SRD5A3: variants seen among roughly 807,000 people sequenced by gnomAD.
SRD5A3 encodes the protein steroid 5 alpha-reductase 3.
In SRD5A3, 24 loss-of-function variants were observed where a neutral mutation model predicts 34.3. The ratio of observed to expected loss-of-function variants is 0.70; its 90% CI spans 0.51 to 0.99. SRD5A3 has a LOEUF of 0.99. Among genes scored for constraint, SRD5A3 ranks in the 50% least tolerant of loss-of-function variants. The pLI is 0.00. For missense variants in SRD5A3, 350 were observed against 388.2 expected, an observed-to-expected ratio of 0.90 and a Z score of 0.83; for synonymous variants, 161 against 167.3, an observed-to-expected ratio of 0.96 and a Z score of 0.29.
chr4:55,352,058 T>C (rs937330822), intron 1 of SRD5A3: 17 of 771,448 alleles, frequency 2.2e-5, no homozygotes, highest in Middle Eastern at 2.7e-4. Context: ...AGCCACTCCA[T>C]ACTTCTGCTC....
At position 55,346,324 on chromosome 4, in the gene SRD5A3, G is replaced by C; in HGVS notation, c.-13G>C. 2 of 1,421,214 alleles carry C rather than the reference G, an allele frequency of 1.4e-6. No homozygotes were observed. Among genetic ancestry groups the C allele is most frequent in the Non-Finnish European group, 1.8e-6 (2 of 1,091,234 alleles). 88.0% of individuals were successfully genotyped at this position (1,421,214 alleles called of 1,614,324 possible). ...TGGGGGCGCCAGCAGCGCGGAAGGC[G>C]GGCACGCGGGCCATGGCTCCCTGGG... On this transcript the variant is annotated 5_prime_UTR_variant, in exon 1 of 5. Coordinates refer to ENST00000264228, the MANE Select transcript of SRD5A3 (RefSeq NM_024592.5).
intron 3 of SRD5A3, chr4:55,364,483 G>C: frequency 1.7e-6 from 1 of 581,754 alleles, no homozygotes; most frequent in East Asian, 3.1e-5. Flanking sequence ...GGCTGAGGCA[G>C]GTGGATCACT....
rs553560804 is a variant in SRD5A3 at position 55,359,124 on chromosome 4, C to T, written c.222-222C>T. 234 of 547,742 alleles carry T rather than the reference C, an allele frequency of 4.3e-4. 1 individual carries two copies. The highest frequency in any genetic ancestry group is 4.2e-3 in the African/African-American group (221 of 52,672). 33.9% of individuals were successfully genotyped at this position (547,742 alleles called of 1,614,324 possible). A position where few individuals can be genotyped will look rare whatever the true frequency, so the allele number is the denominator to read the frequency against. ...ACACAGTTGGTTGTGTTCTTGTTAA[C>T]CTCAGAGAGGCCTCTTTTTCCTGAA... On this transcript the variant is annotated intron_variant, in intron 1 of 4. Transcript: ENST00000264228.
chr4:55,356,659 T>C (rs1719472823), intron 1 of SRD5A3, among the ~76,000 whole-genome samples: 1 of 152,064 alleles, frequency 6.6e-6, no homozygotes, highest in Non-Finnish European at 1.5e-5. Context: ...TCTTTTTTAG[T>C]AGAGATGGGG....
chr4:55,369,105 T>C (rs1016940432), intron 4 of SRD5A3, among the ~76,000 whole-genome samples: 4 of 152,294 alleles, frequency 2.6e-5, no homozygotes, highest in Non-Finnish European at 4.4e-5. Context: ...CTGAGTGCTT[T>C]ACATATAGCT....
intron 4 of SRD5A3, among the ~76,000 whole-genome samples, chr4:55,369,337 T>C (rs1254907635): frequency 2.0e-5 from 3 of 152,184 alleles, no homozygotes; most frequent in Non-Finnish European, 4.4e-5. Context: ...TATGGACAGT[T>C]GACAATTTAA....
At chr4:55,350,302 G>C (rs976796182) in intron 1 of SRD5A3, among the ~76,000 whole-genome samples, 1 of 152,166 alleles carries the variant, frequency 6.6e-6, no homozygotes, top group Non-Finnish European at 1.5e-5. Flanking sequence ...CCTGGGAGGT[G>C]TAGGTTGAAG....
chr4:55,352,903 G>C (rs892090155), intron 1 of SRD5A3, among the ~76,000 whole-genome samples: 1 of 152,234 alleles, frequency 6.6e-6, no homozygotes, highest in African/African-American at 2.4e-5. Context: ...GAGCAAGACT[G>C]AAGTGGGCGT....
rs928004000 is a variant in SRD5A3, at chr4:55,371,925, G to A, written c.*1834G>A. The A allele has an allele frequency of 1.5e-4, 23 of 152,214 alleles. No individual in the cohort carries two copies. Among genetic ancestry groups the A allele is most frequent in the African/African-American group, 5.3e-4 (22 of 41,460 alleles). The allele number at this position is 152,214 out of a possible 1,614,324, so 9.4% of individuals were successfully genotyped here. A position where few individuals can be genotyped will look rare whatever the true frequency, so the allele number is the denominator to read the frequency against. On this transcript the variant is annotated 3_prime_UTR_variant, in exon 5 of 5. Transcript: ENST00000264228. ...CTGCTTCGGCCTCCCAAAGTGCTGG[G>A]ATTACAGGTGTAAGTCACTGCTCCC...
At chr4:55,365,670 A>G (rs749123617) in intron 3 of SRD5A3, 4 of 152,208 alleles carry the variant, frequency 2.6e-5, no homozygotes, top group Non-Finnish European at 4.4e-5. Flanking sequence ...TCCTGCGTAG[A>G]TAGTCAAGGA....
rs1212199212 is a variant in SRD5A3 at position 55,361,845 on chromosome 4, A to G, written c.365-2229A>G. Among the ~76,000 whole-genome samples the G allele has an allele frequency of 4.3e-4, 65 of 152,116 alleles. 2 individuals carry two copies. The highest frequency in any genetic ancestry group is 1.5e-5 in the Non-Finnish European group (1 of 68,010). On this transcript the variant is annotated intron_variant, in intron 2 of 4. Coordinates refer to ENST00000264228, the MANE Select transcript of SRD5A3 (RefSeq NM_024592.5). Reference sequence around the variant, plus strand: ...CCGTGGACATCCTCTTTGGAAGGGTAGGCTACATCAGCGGATCTCACTCCA... The same window carrying G: ...CCGTGGACATCCTCTTTGGAAGGGTGGGCTACATCAGCGGATCTCACTCCA...
intron 4 of SRD5A3, 164 bp from the exon 5 acceptor site, chr4:55,369,668 C>T (rs1215619267): frequency 9.3e-6 from 7 of 752,878 alleles, no homozygotes; most frequent in Non-Finnish European, 1.3e-5. Flanking sequence ...AAGGTTGAGA[C>T]TACAGTGAGC....
chr4:55,357,153 G>A (rs1009383259), intron 1 of SRD5A3, among the ~76,000 whole-genome samples: 3 of 151,990 alleles, frequency 2.0e-5, no homozygotes, highest in Non-Finnish European at 4.4e-5. Flanking sequence ...TGCACCCTCT[G>A]TCCCCTGACC....
chr4:55,369,784 T>C (rs1187909802), intron 4 of SRD5A3, 48 bp from the exon 5 acceptor site: 3 of 1,609,262 alleles, frequency 1.9e-6, no homozygotes, highest in Middle Eastern at 1.7e-4. Flanking sequence ...GGTGAAACTT[T>C]CTTTTCAAAC....
intron 1 of SRD5A3, among the ~76,000 whole-genome samples, chr4:55,347,704 G>T (rs1192548338): frequency 1.3e-5 from 2 of 152,160 alleles, no homozygotes; most frequent in Non-Finnish European, 1.5e-5. Context: ...CCCCAGGTCC[G>T]CAGGCAACAA....
Position 55,371,000 on chromosome 4 carries a change from C to G in SRD5A3, c.*909C>G, listed in dbSNP as rs1404590665. ...CAAAGATCTCCAGTTAAATAACTAT[C>G]AATATCCATTTCCATTCATCTCCCC... On this transcript the variant is annotated 3_prime_UTR_variant, in exon 5 of 5. Coordinates refer to ENST00000264228, the MANE Select transcript of SRD5A3 (RefSeq NM_024592.5). The G allele has an allele frequency of 6.6e-6, 1 of 152,214 alleles. No homozygotes were observed. The allele number at this position is 152,214 out of a possible 1,614,324, so 9.4% of individuals were successfully genotyped here.
At position 55,359,467 on chromosome 4, in the gene SRD5A3, C is replaced by T; in HGVS notation, c.343C>T (p.Leu115Phe). The T allele has an allele frequency of 6.2e-7, 1 of 1,614,002 alleles. No individual in the cohort carries two copies. The highest frequency in any genetic ancestry group is 8.5e-7 in the Non-Finnish European group (1 of 1,180,012). Reference sequence around the variant, plus strand: ...CTGGCTTCATGGTTTGCTCAGAATTCTCGGGGCGGCACAGTTCCAGGGTAA... The same window carrying T: ...CTGGCTTCATGGTTTGCTCAGAATTTTCGGGGCGGCACAGTTCCAGGGTAA... ...PSWLHGLLRI[L>F]GAAQFQGGEL... Residue 115 changes from leucine (L) to phenylalanine (F), a missense_variant, in exon 2 of 5, where the codon CTC (leucine) becomes TTC (phenylalanine). By Grantham distance (22) the Leu-to-Phe change is conservative. Transcript: ENST00000264228.
At position 55,364,155 on chromosome 4, in the gene SRD5A3, A is replaced by C; in HGVS notation, c.446A>C (p.Tyr149Ser). The change falls in exon 3 of 5, where the codon TAC becomes TCC. Residue 149 changes from tyrosine to serine, a missense_variant. By Grantham distance (144) the Tyr-to-Ser change is moderately radical (BLOSUM62 -2). This residue lies in a region of SRD5A3 where 186 missense variants were observed against 221.4 expected (regional missense o/e 0.84). Coordinates refer to ENST00000264228, the MANE Select transcript of SRD5A3 (RefSeq NM_024592.5). ...HSLRRLFECL[Y>S]VSVFSNVMIH... ...TTACGAAGACTCTTCGAGTGCCTCT[A>C]CGTCAGTGTCTTCTCCAATGTCATG... 1.9e-6 allele frequency: 3 copies of C among 1,614,140 alleles called. No individual in the cohort carries two copies. In the Middle Eastern group the frequency reaches 4.9e-4, roughly 266 times the overall value.
At chr4:55,359,951 G>A (rs1004486205) in intron 2 of SRD5A3, among the ~76,000 whole-genome samples, 5 of 152,206 alleles carry the variant, frequency 3.3e-5, no homozygotes, top group Admixed American at 6.5e-5. Flanking sequence ...GGTGGCTCAC[G>A]CCTGTAATCC....
Sources: gnomAD v4.1 joint callset for allele counts (sites outside exome capture counted in the v4.1 genomes callset) on GRCh38, gnomAD v4.1.1 for gene constraint, gnomAD v4.1.1 regional missense constraint, MANE v1.5 for transcripts, NCBI Gene and HGNC (gene_info 2026-07-23, HGNC 2026-07-21) for gene names.